RSRC1: variants seen among roughly 807,000 people sequenced by gnomAD.
RSRC1 encodes the protein serine/Arginine-related protein 53.
A neutral mutation model predicts 49.1 loss-of-function variants in RSRC1; 39 were observed. The observed-to-expected ratio is 0.79, with a 90% confidence interval of 0.61 to 1.04. The LOEUF is 1.04. Ranked by LOEUF, RSRC1 falls within the 50% of genes least tolerant of loss-of-function variation. The pLI is 0.00. For synonymous variants in RSRC1, 143 were observed against 130.8 expected, an observed-to-expected ratio of 1.09 and a Z score of -0.63; for missense variants, 388 against 402.4, an observed-to-expected ratio of 0.96 and a Z score of 0.31.
chr3:158,330,613 G>T (rs1559996571), intron 5 of RSRC1, among the ~76,000 whole-genome samples: 1 of 151,948 alleles, frequency 6.6e-6, no homozygotes, highest in Non-Finnish European at 1.5e-5. Flanking sequence ...GGATATTTAG[G>T]TTATTTTTTG....
At chr3:158,237,462 A>C (rs1376947788) in intron 4 of RSRC1, among the ~76,000 whole-genome samples, 1 of 152,218 alleles carries the variant, frequency 6.6e-6, no homozygotes, top group Non-Finnish European at 1.5e-5. Context: ...TTCCAGCAAA[A>C]AGTTTCAGGT....
At chr3:158,416,608 A>G (rs1734750183) in intron 6 of RSRC1, among the ~76,000 whole-genome samples, 1 of 152,046 alleles carries the variant, frequency 6.6e-6, no homozygotes, top group Non-Finnish European at 1.5e-5. Context: ...CTAGCCTTCA[A>G]GTAAGCCTCA....
intron 3 of RSRC1, among the ~76,000 whole-genome samples, chr3:158,180,706 G>A (rs965902504): frequency 6.6e-6 from 1 of 151,322 alleles, no homozygotes; most frequent in Non-Finnish European, 1.5e-5. Context: ...GGACTCAAGT[G>A]ATTCGCCTGC....
At chr3:158,118,445 G>GTA (rs1715004528) in intron 1 of RSRC1, among the ~76,000 whole-genome samples, 2 of 138,342 alleles carry the variant, frequency 1.4e-5, no homozygotes, top group Non-Finnish European at 3.1e-5. Context: ...GTGTGTGTGT[G>GTA]TGTGTGTGTG....
chr3:158,505,011 T>G (rs1383911770), intron 7 of RSRC1, among the ~76,000 whole-genome samples: 2 of 152,222 alleles, frequency 1.3e-5, no homozygotes, highest in Non-Finnish European at 2.9e-5. Context: ...TGTGTATTAC[T>G]AACACAAATA....
intron 5 of RSRC1, among the ~76,000 whole-genome samples, chr3:158,331,214 T>C (rs184560194): frequency 1.3e-5 from 2 of 152,328 alleles, no homozygotes; most frequent in East Asian, 3.9e-4. Context: ...ATCAACATCA[T>C]TGGCTAGAAT....
chr3:158,521,936 G>A (rs1711697456), intron 7 of RSRC1, among the ~76,000 whole-genome samples: 1 of 151,972 alleles, frequency 6.6e-6, no homozygotes, highest in South Asian at 2.1e-4. Flanking sequence ...CAAATGTGGG[G>A]ACTAGAATGA....
intron 7 of RSRC1, among the ~76,000 whole-genome samples, chr3:158,488,659 T>A (rs1738933187): frequency 6.6e-6 from 1 of 152,226 alleles, no homozygotes; most frequent in Admixed American, 6.5e-5. Flanking sequence ...ATAATTTTTT[T>A]AATAAAGTTA....
At chr3:158,143,350 AC>A (rs1686056877) in intron 3 of RSRC1, among the ~76,000 whole-genome samples, 1 of 152,212 alleles carries the variant, frequency 6.6e-6, no homozygotes, top group Non-Finnish European at 1.5e-5. Context: ...AGGGAATGGT[AC>A]TATCTGAAAG....
intron 3 of RSRC1, among the ~76,000 whole-genome samples, chr3:158,196,511 G>A (rs1720627682): frequency 6.6e-6 from 1 of 152,058 alleles, no homozygotes; most frequent in South Asian, 2.1e-4. Context: ...CTGCCTGATT[G>A]CCCTGGCCAG....
At chr3:158,220,397 G>A (rs758240914) in intron 4 of RSRC1, among the ~76,000 whole-genome samples, 10 of 151,518 alleles carry the variant, frequency 6.6e-5, no homozygotes, top group Non-Finnish European at 1.3e-4. Flanking sequence ...TGAAATGATG[G>A]CCAACGTCTT....
At chr3:158,187,453 A>C (rs1719994994) in intron 3 of RSRC1, among the ~76,000 whole-genome samples, 3 of 152,052 alleles carry the variant, frequency 2.0e-5, no homozygotes, top group Non-Finnish European at 4.4e-5. Flanking sequence ...CTCATAGCTC[A>C]ATAGTAAAAC....
At chr3:158,386,698 A>G (rs901128916) in intron 6 of RSRC1, among the ~76,000 whole-genome samples, 2 of 152,094 alleles carry the variant, frequency 1.3e-5, no homozygotes, top group African/African-American at 2.4e-5. Context: ...AACAGAGTTT[A>G]CAAGGCAGAA....
At chr3:158,365,147 A>G (rs1731691492) in intron 6 of RSRC1, among the ~76,000 whole-genome samples, 1 of 152,016 alleles carries the variant, frequency 6.6e-6, no homozygotes, top group African/African-American at 2.4e-5. Context: ...GCTTTTATTT[A>G]TTTCATTTTT....
At chr3:158,497,753 T>TATCATTCTTACGC (rs1739413841) in intron 7 of RSRC1, among the ~76,000 whole-genome samples, 1 of 151,866 alleles carries the variant, frequency 6.6e-6, no homozygotes, top group South Asian at 2.1e-4. Flanking sequence ...CATTCTTACG[T>TATCATTCTTACGC]CTTTGTGTCT....
In RSRC1 at chr3:158,486,646, A is replaced by C. The variant is rs546307206; in HGVS notation, c.652+25643A>C. Among the ~76,000 whole-genome samples, 6 of 152,280 alleles carry C rather than the reference A, an allele frequency of 3.9e-5. No individual in the cohort carries two copies. In the East Asian group the frequency reaches 1.2e-3, roughly 29 times the overall value. On this transcript the variant is annotated intron_variant, in intron 7 of 9. Transcript: ENST00000611884. The stretch of plus-strand genomic sequence containing the variant: ...CAGTATGAACAAGCTTGGAGTAAAC[A>C]TATAGGTGGTGGGGGAGGTGGGAGA...
chr3:158,366,872 AAG>A (rs1225778293), intron 6 of RSRC1, among the ~76,000 whole-genome samples: 2 of 152,130 alleles, frequency 1.3e-5, no homozygotes, highest in Admixed American at 1.3e-4. Flanking sequence ...TATCCCTTGT[AAG>A]TTGGATTCCT....
At chr3:158,497,279 G>A (rs1406958073) in intron 7 of RSRC1, among the ~76,000 whole-genome samples, 4 of 140,826 alleles carry the variant, frequency 2.8e-5, no homozygotes, top group Non-Finnish European at 6.0e-5. Flanking sequence ...AAGTTATTGG[G>A]GTACAGGTGG....
At chr3:158,407,670 C>T (rs905026901) in intron 6 of RSRC1, among the ~76,000 whole-genome samples, 3 of 151,992 alleles carry the variant, frequency 2.0e-5, no homozygotes, top group Non-Finnish European at 4.4e-5. Flanking sequence ...GATTTAAGTT[C>T]CAAACCACCA....
Sources: allele counts gnomAD v4.1 joint callset (sites outside exome capture counted in the v4.1 genomes callset), GRCh38; gene constraint gnomAD v4.1.1; transcripts MANE v1.5; gene names NCBI Gene and HGNC (gene_info 2026-07-23, HGNC 2026-07-21).